Variants in ASXL3 observed in about 807,000 individuals in gnomAD.
The protein encoded by ASXL3 is putative Polycomb group protein ASXL3.
In ASXL3, 34 loss-of-function variants were observed where a neutral mutation model predicts 170.6. That is an observed-to-expected ratio of 0.20 (90% CI 0.15 to 0.27). The LOEUF (loss-of-function observed/expected upper bound fraction) is 0.27, where lower values mean the gene tolerates loss of function less well. ASXL3 is among the 10% of genes least tolerant of loss of function. The pLI, the probability that ASXL3 is intolerant of heterozygous loss-of-function variation, is 1.00. For missense variants in ASXL3, 2,592 were observed against 2,695.3 expected, an observed-to-expected ratio of 0.96 and a Z score of 0.85; for synonymous variants, 1,002 against 989.1, an observed-to-expected ratio of 1.01 and a Z score of -0.24.
chr18:33,660,980 C>T (rs1400623737), intron 4 of ASXL3, among the ~76,000 whole-genome samples: 2 of 152,172 alleles, frequency 1.3e-5, no homozygotes, highest in Non-Finnish European at 2.9e-5. Flanking sequence ...GAATAGACAA[C>T]ATGCAAGCCT....
intron 2 of ASXL3, among the ~76,000 whole-genome samples, chr18:33,613,606 C>T (rs1000722294): frequency 6.6e-6 from 1 of 152,030 alleles, no homozygotes; most frequent in Admixed American, 6.6e-5. Context: ...ATGTAAAACA[C>T]TGTACATACC....
chr18:33,609,209 G>T (rs1399151205), intron 2 of ASXL3, among the ~76,000 whole-genome samples: 1 of 151,848 alleles, frequency 6.6e-6, no homozygotes, highest in Non-Finnish European at 1.5e-5. Flanking sequence ...AGTAACCCTG[G>T]AAATATTTAT....
intron 2 of ASXL3, among the ~76,000 whole-genome samples, chr18:33,633,237 A>G (rs924353091): frequency 2.6e-5 from 4 of 152,196 alleles, no homozygotes; most frequent in Non-Finnish European, 4.4e-5. Flanking sequence ...CAATCTTTTT[A>G]TTTATTGTAG....
At chr18:33,614,749 T>C (rs2065394835) in intron 2 of ASXL3, 1 of 152,140 alleles carries the variant, frequency 6.6e-6, no homozygotes, top group Admixed American at 6.6e-5. Context: ...AACATTAGTC[T>C]CTTTGTACAT....
At chr18:33,672,909 G>A (rs1181502898) in intron 7 of ASXL3, among the ~76,000 whole-genome samples, 1 of 151,926 alleles carries the variant, frequency 6.6e-6, no homozygotes, top group Non-Finnish European at 1.5e-5. Context: ...AGACCTTTAG[G>A]AAAGCAGAAT....
At chr18:33,707,603 CAG>C (rs1330702695) in intron 8 of ASXL3, among the ~76,000 whole-genome samples, 2 of 151,934 alleles carry the variant, frequency 1.3e-5, no homozygotes, top group Non-Finnish European at 1.5e-5. Flanking sequence ...AGTCAATACA[CAG>C]AGTTATATTG....
intron 5 of ASXL3, 143 bp from the exon 6 acceptor site, chr18:33,670,530 A>G: frequency 7.0e-6 from 4 of 575,316 alleles, no homozygotes; most frequent in Non-Finnish European, 1.2e-5. Context: ...AACTATTAAG[A>G]ATCCTGAGAA....
chr18:33,604,760 G>A (rs1448241703), intron 1 of ASXL3, among the ~76,000 whole-genome samples: 1 of 151,896 alleles, frequency 6.6e-6, no homozygotes, highest in African/African-American at 2.4e-5. Context: ...TATATATTGG[G>A]TTCCCACATT....
At chr18:33,643,451 T>C (rs1359750314) in intron 2 of ASXL3, among the ~76,000 whole-genome samples, 1 of 151,908 alleles carries the variant, frequency 6.6e-6, no homozygotes, top group Non-Finnish European at 1.5e-5. Flanking sequence ...ACTTTAATGT[T>C]ACAACTGCAT....
intron 2 of ASXL3, among the ~76,000 whole-genome samples, chr18:33,626,437 A>G (rs1395879204): frequency 6.6e-6 from 1 of 152,024 alleles, no homozygotes; most frequent in African/African-American, 2.4e-5. Flanking sequence ...GGTGGGATTC[A>G]GGAGGAGTCA....
At chr18:33,610,613 C>T (rs571253995) in intron 2 of ASXL3, among the ~76,000 whole-genome samples, 1 of 152,050 alleles carries the variant, frequency 6.6e-6, no homozygotes, top group Non-Finnish European at 1.5e-5. Flanking sequence ...GTATGTCTTC[C>T]CTGCCTGTGT....
At chr18:33,680,312 G>A (rs1307655465) in intron 7 of ASXL3, among the ~76,000 whole-genome samples, 1 of 151,958 alleles carries the variant, frequency 6.6e-6, no homozygotes, top group African/African-American at 2.4e-5. Flanking sequence ...TATTTAATTT[G>A]GGACAGAAAG....
chr18:33,647,024 G>A (rs1390886286), intron 4 of ASXL3, among the ~76,000 whole-genome samples: 1 of 151,912 alleles, frequency 6.6e-6, no homozygotes, highest in Non-Finnish European at 1.5e-5. Context: ...TAGCTGCAGT[G>A]CTTTCTTCTA....
At chr18:33,718,703 C>CT (rs556271791) in intron 8 of ASXL3, among the ~76,000 whole-genome samples, 79 of 146,412 alleles carry the variant, frequency 5.4e-4, no homozygotes, top group East Asian at 7.9e-4. Context: ...TTTTCTTTTT[C>CT]TTTTTTTTTT....
At chr18:33,674,405 T>A (rs1041879222) in intron 7 of ASXL3, among the ~76,000 whole-genome samples, 2 of 152,190 alleles carry the variant, frequency 1.3e-5, no homozygotes, top group Admixed American at 1.3e-4. Context: ...CCAGTTGAAG[T>A]ACAATTCTGT....
intron 2 of ASXL3, among the ~76,000 whole-genome samples, chr18:33,626,286 AT>A (rs1485044718): frequency 1.4e-4 from 21 of 152,104 alleles, no homozygotes; most frequent in Admixed American, 3.9e-4. Context: ...TTAAAAAAAA[AT>A]CTTACCATTT....
At chr18:33,712,360 C>T (rs1469255496) in intron 8 of ASXL3, among the ~76,000 whole-genome samples, 1 of 152,170 alleles carries the variant, frequency 6.6e-6, no homozygotes, top group Non-Finnish European at 1.5e-5. Flanking sequence ...CTGGCATTAA[C>T]ATTGACACAC....
At position 33,653,863 on chromosome 18, in the gene ASXL3, C is replaced by CTT. The variant is rs144398825; in HGVS notation, c.355+7519_355+7520dup. On this transcript the variant is annotated intron_variant, in intron 4 of 11. Coordinates refer to ENST00000269197, the MANE Select transcript of ASXL3 (RefSeq NM_030632.3). Reference sequence around the variant, plus strand: ...TGCTTTTAATTAAGCTAATTTGCTCCTTTTTTTTTTCTGTGCTCTGATGAT... The same window carrying CTT: ...TGCTTTTAATTAAGCTAATTTGCTCCTTTTTTTTTTTTCTGTGCTCTGATGAT... Among the ~76,000 whole-genome samples, 146 of 149,004 alleles carry CTT rather than the reference C, an allele frequency of 9.8e-4. 1 individual carries two copies. The highest frequency in any genetic ancestry group is 3.3e-3 in the African/African-American group (136 of 40,794).
At chr18:33,678,610 T>C (rs574668471) in intron 7 of ASXL3, among the ~76,000 whole-genome samples, 2 of 152,368 alleles carry the variant, frequency 1.3e-5, no homozygotes, top group South Asian at 2.1e-4. Flanking sequence ...TAGCATAGGC[T>C]GTGGCAACGT....
Sources: allele counts gnomAD v4.1 joint callset (sites outside exome capture counted in the v4.1 genomes callset), GRCh38; gene constraint gnomAD v4.1.1; transcripts MANE v1.5; gene names NCBI Gene and HGNC (gene_info 2026-07-23, HGNC 2026-07-21).